TRIM9: variants seen among roughly 807,000 people sequenced by gnomAD.
TRIM9 encodes E3 ubiquitin-protein ligase TRIM9.
In TRIM9, 26 loss-of-function variants were observed where a neutral mutation model predicts 78.3. The observed-to-expected ratio is 0.33, with a 90% CI of 0.24 to 0.46. The LOEUF (loss-of-function observed/expected upper bound fraction) is 0.46. Ranked by LOEUF, TRIM9 falls within the 20% of genes least tolerant of loss-of-function variation. TRIM9 has a pLI of 1.00. For synonymous variants in TRIM9, 398 were observed against 416.5 expected (o/e 0.96, Z 0.54); for missense variants, 787 against 1,036.4 (o/e 0.76, Z 3.30).
chr14:51,009,037 A>G, intron 5 of TRIM9, 43 bp downstream of exon 5: 1 of 1,603,640 alleles, frequency 6.2e-7, no homozygotes, highest in Non-Finnish European at 8.5e-7. Context: ...ACCAGCATCC[A>G]CTCAGGATGT....
intron 1 of TRIM9, chr14:51,091,341 A>C (rs1284413955): frequency 3.9e-5 from 6 of 152,228 alleles, no homozygotes; most frequent in Non-Finnish European, 8.8e-5. Flanking sequence ...ACTTATCTGC[A>C]GGACTTGCTT....
At chr14:51,049,691 T>C (rs1448384584) in intron 1 of TRIM9, among the ~76,000 whole-genome samples, 1 of 151,600 alleles carries the variant, frequency 6.6e-6, no homozygotes, top group Non-Finnish European at 1.5e-5. Context: ...TTGGGTGTGG[T>C]GGTGGGTGCC....
intron 1 of TRIM9, among the ~76,000 whole-genome samples, chr14:51,036,080 C>T (rs1318137291): frequency 2.6e-5 from 4 of 152,176 alleles, no homozygotes; most frequent in African/African-American, 4.8e-5. Context: ...CCCCAAGAAA[C>T]GATGAATATT....
chr14:50,985,089 T>C (rs1463389024), intron 8 of TRIM9, among the ~76,000 whole-genome samples: 4 of 152,234 alleles, frequency 2.6e-5, no homozygotes, highest in South Asian at 2.1e-4. Context: ...TGTGTATCCA[T>C]GATTACAATA....
Position 51,094,777 on chromosome 14 carries a change from A to G in TRIM9, c.163T>C (p.Ser55Pro). Residue 55 changes from serine (S) to proline (P), a missense_variant, in exon 1 of 13, where the codon TCC becomes CCC. By Grantham distance (74) the Ser-to-Pro change is moderately conservative. Around this residue, in one of 3 missense-constraint regions of TRIM9, gnomAD observed 352 missense variants for 472.3 expected, o/e 0.75. Coordinates refer to ENST00000684578, the MANE Select transcript of TRIM9 (RefSeq NM_001387360.1). Reference sequence around the variant, plus strand: ...AGATAGTCATAGTCGGAGACCCCGGAGCCCGCGGCCCGATGGCTCTGGGGG... The same window carrying G: ...AGATAGTCATAGTCGGAGACCCCGGGGCCCGCGGCCCGATGGCTCTGGGGG... ...ESPQSHRAAG[S>P]GVSDYDYLDL... is the part of the protein sequence containing the mutation. The G allele has an allele frequency of 6.5e-7, 1 of 1,529,260 alleles. No individual in the cohort carries two copies. Among genetic ancestry groups the G allele is most frequent in the South Asian group, 1.3e-5 (1 of 76,888 alleles). The allele number at this position is 1,529,260 out of a possible 1,614,324, so 94.7% of individuals were successfully genotyped here. A position where few individuals can be genotyped will look rare whatever the true frequency, so the allele number is the denominator to read the frequency against.
intron 5 of TRIM9, among the ~76,000 whole-genome samples, chr14:51,007,653 G>A (rs1395395626): frequency 6.6e-6 from 1 of 152,144 alleles, no homozygotes; most frequent in South Asian, 2.1e-4. Context: ...TGAGTTATAC[G>A]TAGAACACTT....
intron 1 of TRIM9, among the ~76,000 whole-genome samples, chr14:51,035,247 T>G (rs918851197): frequency 6.6e-6 from 1 of 152,180 alleles, no homozygotes; most frequent in Non-Finnish European, 1.5e-5. Flanking sequence ...GATTTTCTGA[T>G]TTTTCTGAAA....
At chr14:51,002,718 C>T (rs538489362) in intron 5 of TRIM9, among the ~76,000 whole-genome samples, 1 of 152,178 alleles carries the variant, frequency 6.6e-6, no homozygotes, top group East Asian at 1.9e-4. Context: ...GGCAGATAAC[C>T]TAGAAAACAA....
At chr14:51,080,149 T>C (rs1256679200) in intron 1 of TRIM9, among the ~76,000 whole-genome samples, 1 of 151,990 alleles carries the variant, frequency 6.6e-6, no homozygotes, top group African/African-American at 2.4e-5. Flanking sequence ...TTTTTTTTTC[T>C]TTTCTAGACA....
At chr14:51,090,540 A>G (rs1003375805) in intron 1 of TRIM9, 5 of 152,218 alleles carry the variant, frequency 3.3e-5, no homozygotes, top group African/African-American at 9.6e-5. Context: ...GGAAAAGAAA[A>G]TCTTTGCTCA....
At chr14:51,073,732 G>T (rs1158149320) in intron 1 of TRIM9, among the ~76,000 whole-genome samples, 1 of 152,200 alleles carries the variant, frequency 6.6e-6, no homozygotes, top group African/African-American at 2.4e-5. Flanking sequence ...AATTACACAG[G>T]TGTGATCAGT....
intron 9 of TRIM9, 143 bp downstream of exon 9, chr14:50,983,237 A>C: frequency 1.4e-6 from 1 of 733,958 alleles, no homozygotes; most frequent in South Asian, 2.2e-5. Context: ...ATTTTTTAAG[A>C]GTTTGAGAAA....
Position 51,013,517 on chromosome 14 carries a change from T to G in TRIM9, c.1042-3023A>C, listed in dbSNP as rs548977307. 2.0e-4 allele frequency among the ~76,000 whole-genome samples: 30 copies of G among 152,350 alleles called. No individual in the cohort carries two copies. In the South Asian group the frequency reaches 6.2e-3, roughly 32 times the overall value. ...ATTGTTTATTTACATCGCCCAATTTTCTGATAGATGATTTGTTACTGCTTT... is the reference window on the plus strand; with the variant it reads ...ATTGTTTATTTACATCGCCCAATTTGCTGATAGATGATTTGTTACTGCTTT... On this transcript the variant is annotated intron_variant, in intron 3 of 12. Coordinates refer to ENST00000684578, the MANE Select transcript of TRIM9 (RefSeq NM_001387360.1).
At position 51,051,211 on chromosome 14, in the gene TRIM9, C is replaced by T. The variant is rs190197115; in HGVS notation, c.823-25851G>A. On this transcript the variant is annotated intron_variant, in intron 1 of 12. Transcript: ENST00000684578. ...TACCCAGATAACTATAGGAAACCTTCGTTGTTCCTGAAAATTTCCTATATC... is the reference window on the plus strand; with the variant it reads ...TACCCAGATAACTATAGGAAACCTTTGTTGTTCCTGAAAATTTCCTATATC... Among the ~76,000 whole-genome samples, 9 of 152,264 alleles carry T rather than the reference C, an allele frequency of 5.9e-5. No homozygotes were observed. In the East Asian group the frequency reaches 1.7e-3, roughly 29 times the overall value.
intron 1 of TRIM9, among the ~76,000 whole-genome samples, chr14:51,076,839 G>C (rs1040122099): frequency 2.6e-5 from 4 of 152,190 alleles, no homozygotes; most frequent in Non-Finnish European, 4.4e-5. Flanking sequence ...GCAAGATACA[G>C]GTCCTTATTC....
chr14:51,064,508 A>AAAGT (rs58348717), intron 1 of TRIM9, among the ~76,000 whole-genome samples: 62,500 of 151,420 alleles, frequency 0.41, 13,201 homozygotes, highest in Middle Eastern at 0.46. Flanking sequence ...TCAAAAGTTA[A>AAAGT]AAGGGGAAGA....
At chr14:50,980,177 A>C (rs2051669591) in intron 11 of TRIM9, among the ~76,000 whole-genome samples, 1 of 152,190 alleles carries the variant, frequency 6.6e-6, no homozygotes, top group South Asian at 2.1e-4. Context: ...AAGAACTTGG[A>C]GGCTGTCTGT....
intron 1 of TRIM9, chr14:51,091,302 T>G (rs967028914): frequency 4.6e-5 from 7 of 152,204 alleles, no homozygotes; most frequent in African/African-American, 1.7e-4. Flanking sequence ...CTTGAGTGTG[T>G]AAGATGATGA....
At chr14:51,066,572 T>C (rs1360639549) in intron 1 of TRIM9, among the ~76,000 whole-genome samples, 2 of 152,230 alleles carry the variant, frequency 1.3e-5, no homozygotes, top group Non-Finnish European at 2.9e-5. Context: ...CTTCGAATCA[T>C]GTATATGAAC....
Sources: allele counts gnomAD v4.1 joint callset (sites outside exome capture counted in the v4.1 genomes callset), GRCh38; gene constraint gnomAD v4.1.1; regional missense constraint gnomAD v4.1.1; transcripts MANE v1.5; gene names NCBI Gene and HGNC (gene_info 2026-07-23, HGNC 2026-07-21).